The following SNX24 variants were observed in gnomAD, a reference collection of about 807,000 sequenced individuals.
SNX24 encodes the protein sorting nexin 24.
SNX24 carries 22 observed loss-of-function variants against 28.7 expected under a neutral mutation model. That is an observed-to-expected ratio of 0.77 (90% CI 0.55 to 1.10). The LOEUF (loss-of-function observed/expected upper bound fraction) is 1.10. SNX24 is among the 50% of genes least tolerant of loss of function. The pLI is 0.00. For synonymous variants in SNX24, 69 were observed against 71.5 expected (o/e 0.96, Z 0.18); for missense variants, 221 against 201.1 (o/e 1.10, Z -0.60).
At chr5:122,886,581 T>C (rs1756726389) in intron 1 of SNX24, among the ~76,000 whole-genome samples, 1 of 152,042 alleles carries the variant, frequency 6.6e-6, no homozygotes, top group Non-Finnish European at 1.5e-5. Context: ...TTGGGAGGCC[T>C]AGGTCAGGGA....
intron 1 of SNX24, among the ~76,000 whole-genome samples, chr5:122,896,947 G>A (rs1029649914): frequency 2.0e-5 from 3 of 152,166 alleles, no homozygotes; most frequent in Non-Finnish European, 4.4e-5. Flanking sequence ...TGAACTGAAC[G>A]CTGAAGTCAA....
intron 3 of SNX24, among the ~76,000 whole-genome samples, chr5:122,985,391 A>G (rs765365362): frequency 1.2e-4 from 18 of 152,286 alleles, no homozygotes; most frequent in Non-Finnish European, 2.5e-4. Flanking sequence ...CTCCTGCCCA[A>G]AAAGACACAG....
chr5:123,007,657 T>G, intron 6 of SNX24, 25 bp from the exon 7 acceptor site: 1 of 1,562,090 alleles, frequency 6.4e-7, no homozygotes, highest in Non-Finnish European at 8.7e-7. Flanking sequence ...TCTTTTTTTT[T>G]TCTTTTTTTT....
At chr5:122,914,107 A>C (rs999720967) in intron 1 of SNX24, among the ~76,000 whole-genome samples, 3 of 152,092 alleles carry the variant, frequency 2.0e-5, no homozygotes, top group Admixed American at 6.5e-5. Flanking sequence ...ATGGAAAGAG[A>C]GGAAGAGGGA....
rs1340427537 is a variant in SNX24, at chr5:122,955,997, C to T, written c.249+9838C>T. Among the ~76,000 whole-genome samples the T allele has an allele frequency of 2.6e-5, 4 of 151,954 alleles. 1 individual carries two copies. The highest frequency in any genetic ancestry group is 4.8e-5 in the African/African-American group (2 of 41,480). ...GAATGGTTAGTGTCTGCAAATTTTC[C>T]GTCTTGCTAGGCTGCCCCTCTCTGT... On this transcript the variant is annotated intron_variant, in intron 3 of 6. Transcript: ENST00000261369.
At chr5:122,858,016 C>T (rs956123389) in intron 1 of SNX24, among the ~76,000 whole-genome samples, 1 of 152,142 alleles carries the variant, frequency 6.6e-6, no homozygotes, top group African/African-American at 2.4e-5. Context: ...CTCCTGACCT[C>T]ATGATCCGCC....
chr5:122,930,656 T>C lies in SNX24; in HGVS notation c.61-6078T>C, dbSNP rs17149747. 8.3e-3 allele frequency among the ~76,000 whole-genome samples: 1,270 copies of C among 152,316 alleles called. 9 individuals carry two copies. The highest frequency in any genetic ancestry group is 0.059 in the East Asian group (308 of 5,190). ...GATTTCTTTTGTCTTTGATTTTTGC[T>C]CTTGTTCTAATTTTTTTGTTCTTTC... On this transcript the variant is annotated intron_variant, in intron 1 of 6. Transcript: ENST00000261369.
chr5:122,924,363 C>T (rs575578857), intron 1 of SNX24, among the ~76,000 whole-genome samples: 3 of 152,250 alleles, frequency 2.0e-5, no homozygotes, highest in African/African-American at 7.2e-5. Flanking sequence ...CTGCAACAGT[C>T]GATCTGATAA....
At chr5:122,954,895 T>G (rs2150133056) in intron 3 of SNX24, among the ~76,000 whole-genome samples, 1 of 152,310 alleles carries the variant, frequency 6.6e-6, no homozygotes, top group African/African-American at 2.4e-5. Context: ...TTCTTGAATC[T>G]GTAGATTAAT....
chr5:122,865,300 T>A (rs1175373568), intron 1 of SNX24, among the ~76,000 whole-genome samples: 1 of 151,288 alleles, frequency 6.6e-6, no homozygotes, highest in Non-Finnish European at 1.5e-5. Flanking sequence ...TAAAATAAGA[T>A]TTGTTTGTTT....
In SNX24 at chr5:122,936,674, C is replaced by T. The variant is rs949037018; in HGVS notation, c.61-60C>T. The T allele has an allele frequency of 9.2e-6, 9 of 976,308 alleles. No homozygotes were observed. In the African/African-American group the frequency reaches 1.5e-4, roughly 16 times the overall value. 60.5% of individuals were successfully genotyped at this position (976,308 alleles called of 1,614,324 possible). A position where few individuals can be genotyped will look rare whatever the true frequency, so the allele number is the denominator to read the frequency against. On this transcript the variant is annotated intron_variant, in intron 1 of 6. Coordinates refer to ENST00000261369, the MANE Select transcript of SNX24 (RefSeq NM_014035.4). ...AAATATATCATGGTCACAAACTTAC[C>T]ACATCAGACAATTGAGGGTTTTGAA...
downstream of SNX24, among the ~76,000 whole-genome samples, chr5:123,011,915 A>G (rs10037428): frequency 0.36 from 53,987 of 152,054 alleles, 10,354 homozygotes; most frequent in African/African-American, 0.48. Flanking sequence ...CTCATCTTGA[A>G]TTAATCTTAG....
intron 3 of SNX24, among the ~76,000 whole-genome samples, chr5:122,996,475 A>C (rs538129551): frequency 2.8e-4 from 42 of 152,336 alleles, no homozygotes; most frequent in African/African-American, 9.9e-4. Flanking sequence ...CTTTTATCTG[A>C]TACTCAAAAA....
intron 1 of SNX24, among the ~76,000 whole-genome samples, chr5:122,865,290 T>C (rs1451873683): frequency 6.6e-6 from 1 of 152,130 alleles, no homozygotes; most frequent in Admixed American, 6.5e-5. Flanking sequence ...AAAGGCAAAG[T>C]AAAATAAGAT....
chr5:122,984,463 G>A (rs13184528), intron 3 of SNX24, among the ~76,000 whole-genome samples: 4,100 of 152,220 alleles, frequency 0.027, 73 homozygotes, highest in Non-Finnish European at 0.037. Context: ...TGAACGTCTT[G>A]TACTCTCCTG....
chr5:122,990,528 T>C (rs1025286007), intron 3 of SNX24, among the ~76,000 whole-genome samples: 2 of 152,120 alleles, frequency 1.3e-5, no homozygotes, highest in Non-Finnish European at 2.9e-5. Context: ...AACTAGGTAG[T>C]TGGGGGAATG....
chr5:122,873,121 C>T (rs180823966), intron 1 of SNX24, among the ~76,000 whole-genome samples: 32 of 152,210 alleles, frequency 2.1e-4, no homozygotes, highest in African/African-American at 7.5e-4. Flanking sequence ...CACCACACCA[C>T]CATGCCTGGC....
chr5:122,924,205 T>C (rs1205091951), intron 1 of SNX24, among the ~76,000 whole-genome samples: 1 of 152,232 alleles, frequency 6.6e-6, no homozygotes, highest in African/African-American at 2.4e-5. Context: ...GTTTAATTTA[T>C]AAGTTAGGCA....
intron 3 of SNX24, among the ~76,000 whole-genome samples, chr5:122,976,789 G>A (rs146424955): frequency 6.6e-6 from 1 of 152,230 alleles, no homozygotes; most frequent in Non-Finnish European, 1.5e-5. Context: ...TGCGTAAAAC[G>A]CAGAGCACAG....
Sources: gnomAD v4.1 joint callset for allele counts (sites outside exome capture counted in the v4.1 genomes callset) on GRCh38, gnomAD v4.1.1 for gene constraint, MANE v1.5 for transcripts, NCBI Gene and HGNC (gene_info 2026-07-23, HGNC 2026-07-21) for gene names.